SDK2: variants seen among roughly 807,000 people sequenced by gnomAD.
SDK2 encodes sidekick cell adhesion molecule 2.
A neutral mutation model predicts 253.9 loss-of-function variants in SDK2; 105 were observed. That is an observed-to-expected ratio of 0.41 (90% CI 0.35 to 0.49). The LOEUF is 0.49. SDK2 is among the 20% of genes least tolerant of loss of function. The pLI is 0.06. For synonymous variants in SDK2, 1,249 were observed against 1,234.9 expected (o/e 1.01, Z -0.24); for missense variants, 2,608 against 3,003.0 (o/e 0.87, Z 3.07).
At position 73,435,902 on chromosome 17, in the gene SDK2, AATTT is replaced by A. The variant is rs2063364599; in HGVS notation, c.1001-262_1001-259del. On this transcript the variant is annotated intron_variant, in intron 8 of 44. Transcript: ENST00000392650. This position sits in a 1 kb window ranked among gnomAD's most constrained non-coding sequence, Gnocchi z 5.7. ...GCATGGAAACTGGATTGGACAAACTAATTTATTTATTCTATTTTTTATTTCTATT... is the reference window on the plus strand; with the variant it reads ...GCATGGAAACTGGATTGGACAAACTAATTTATTCTATTTTTTATTTCTATT... Among the ~76,000 whole-genome samples the A allele has an allele frequency of 6.6e-6, 1 of 151,966 alleles. No individual in the cohort carries two copies. The highest frequency in any genetic ancestry group is 6.6e-5 in the Admixed American group (1 of 15,258).
At chr17:73,358,865 C>T (rs981844249) in intron 39 of SDK2, among the ~76,000 whole-genome samples, 9 of 152,100 alleles carry the variant, frequency 5.9e-5, no homozygotes, top group Non-Finnish European at 1.3e-4. Context: ...GGGCCCCATG[C>T]CGCGCTCCTG....
intron 13 of SDK2, 41 bp from the exon 14 acceptor site, chr17:73,423,563 G>T: frequency 2.7e-6 from 4 of 1,482,740 alleles, no homozygotes; most frequent in Non-Finnish European, 3.6e-6. Context: ...TATGTGGTCT[G>T]CAGGCAGGTG....
Position 73,541,520 on chromosome 17 carries a change from C to T in SDK2, c.65-33923G>A, listed in dbSNP as rs2044868793. Among the ~76,000 whole-genome samples, 1 of 152,024 alleles carries T rather than the reference C, an allele frequency of 6.6e-6. No homozygotes were observed. Among genetic ancestry groups the T allele is most frequent in the South Asian group, 2.1e-4 (1 of 4,802 alleles). On this transcript the variant is annotated intron_variant, in intron 1 of 44. Transcript: ENST00000392650. This position sits in a 1 kb window ranked among gnomAD's most constrained non-coding sequence, Gnocchi z 4.3. The stretch of plus-strand genomic sequence containing the variant: ...ACCACCCCCATTTCACAGACAAGGA[C>T]CCCGAGATAGGTAGAGGGGTGAGTG...
At chr17:73,365,684 C>T (rs969965096) in intron 37 of SDK2, among the ~76,000 whole-genome samples, 1 of 152,134 alleles carries the variant, frequency 6.6e-6, no homozygotes, top group Non-Finnish European at 1.5e-5. Context: ...GCTCTGAGCC[C>T]GGGCTATGAG....
intron 1 of SDK2, among the ~76,000 whole-genome samples, chr17:73,530,005 C>T (rs1361324359): frequency 1.3e-5 from 2 of 152,154 alleles, no homozygotes; most frequent in East Asian, 3.9e-4. Context: ...GTGAAATTCT[C>T]TATGGACATG....
chr17:73,629,140 G>A lies in SDK2; in HGVS notation c.64+14885C>T, dbSNP rs529583298. Among the ~76,000 whole-genome samples, 1 of 152,294 alleles carries A rather than the reference G, an allele frequency of 6.6e-6. No homozygotes were observed. The highest frequency in any genetic ancestry group is 2.4e-5 in the African/African-American group (1 of 41,562). On this transcript the variant is annotated intron_variant, in intron 1 of 44. Coordinates refer to ENST00000392650, the MANE Select transcript of SDK2 (RefSeq NM_001144952.2). The surrounding 1 kb of genome is among the most constrained non-coding windows in gnomAD (Gnocchi z 5.0). ...AGCTCGCACCTCACTTGCCTTTCTT[G>A]GCTGCACATCCTCCTCTATAAAGTG...
intron 1 of SDK2, among the ~76,000 whole-genome samples, chr17:73,566,567 T>C (rs2045315483): frequency 6.6e-6 from 1 of 152,056 alleles, no homozygotes; most frequent in Non-Finnish European, 1.5e-5. Flanking sequence ...AGTTAAATGG[T>C]TGTAACCAAA....
At chr17:73,490,994 C>T (rs1424092600) in intron 2 of SDK2, among the ~76,000 whole-genome samples, 1 of 152,192 alleles carries the variant, frequency 6.6e-6, no homozygotes, top group Non-Finnish European at 1.5e-5. Context: ...CAGTAGTTGG[C>T]AGAGCCCCAG....
At chr17:73,545,268 T>G (rs1395825838) in intron 1 of SDK2, among the ~76,000 whole-genome samples, 1 of 152,098 alleles carries the variant, frequency 6.6e-6, no homozygotes, top group Non-Finnish European at 1.5e-5. Context: ...AACCCCGCCC[T>G]GCTTCTTCCC....
chr17:73,407,579 T>C lies in SDK2; in HGVS notation c.2485-5438A>G, dbSNP rs1246873684. Among the ~76,000 whole-genome samples, 3 of 152,102 alleles carry C rather than the reference T, an allele frequency of 2.0e-5. No individual in the cohort carries two copies. In the East Asian group the frequency reaches 5.8e-4, roughly 29 times the overall value. ...CTGATAAGACAATAAGGAATCAATT[T>C]AGTCTTTATTTTTTCTGTTTTTTAG... On this transcript the variant is annotated intron_variant, in intron 18 of 44. Transcript: ENST00000392650.
At chr17:73,545,466 G>A (rs1370054673) in intron 1 of SDK2, among the ~76,000 whole-genome samples, 1 of 152,164 alleles carries the variant, frequency 6.6e-6, no homozygotes, top group Non-Finnish European at 1.5e-5. Context: ...TAGAGATGAG[G>A]GGGTTGAGGG....
intron 1 of SDK2, among the ~76,000 whole-genome samples, chr17:73,603,482 T>C (rs1002547258): frequency 3.7e-4 from 57 of 152,204 alleles, no homozygotes; most frequent in African/African-American, 1.2e-3. Context: ...GTAGCTAGCC[T>C]GGGTCCCAAG....
In SDK2 at chr17:73,431,686, G is replaced by A. The variant is rs770052929; in HGVS notation, c.1313-17C>T. 26 of 1,590,378 alleles carry A rather than the reference G, an allele frequency of 1.6e-5. No homozygotes were observed. The highest frequency in any genetic ancestry group is 6.7e-5 in the African/African-American group (5 of 74,338). The stretch of plus-strand genomic sequence containing the variant: ...TGCGCTCCCCTGAGGGCAAAACAGG[G>A]TGGGGGTCAGCCTGTAGCCCCCAAG... On this transcript the variant is annotated splice_polypyrimidine_tract_variant and intron_variant, in intron 10 of 44. Coordinates refer to ENST00000392650, the MANE Select transcript of SDK2 (RefSeq NM_001144952.2). This position sits in a 1 kb window ranked among gnomAD's most constrained non-coding sequence, Gnocchi z 5.6.
In SDK2 at chr17:73,388,805, T is replaced by A. The variant is rs1394501481; in HGVS notation, c.4193-768A>T. ...TTCCTTCCTTCCCTCCCTCCTTCCT[T>A]CCTTCCCTCCCTCTCCTTCCTTCCT... is the stretch of plus-strand genomic sequence containing the variant. On this transcript the variant is annotated intron_variant, in intron 29 of 44. Coordinates refer to ENST00000392650, the MANE Select transcript of SDK2 (RefSeq NM_001144952.2). Among the ~76,000 whole-genome samples, 161 of 103,894 alleles carry A rather than the reference T, an allele frequency of 1.5e-3. 3 individuals carry two copies. The highest frequency in any genetic ancestry group is 5.5e-3 in the African/African-American group (152 of 27,722). The allele number at this position is 103,894 out of a possible 152,430, so 68.2% of individuals were successfully genotyped here. A position where few individuals can be genotyped will look rare whatever the true frequency, so the allele number is the denominator to read the frequency against.
intron 3 of SDK2, among the ~76,000 whole-genome samples, chr17:73,456,351 G>T (rs1458683794): frequency 6.6e-6 from 1 of 152,140 alleles, no homozygotes; most frequent in African/African-American, 2.4e-5. Context: ...GCTCAAATGG[G>T]CTCCGAGAGG....
intron 1 of SDK2, among the ~76,000 whole-genome samples, chr17:73,571,946 C>T (rs951066142): frequency 2.6e-5 from 4 of 152,178 alleles, no homozygotes; most frequent in East Asian, 1.9e-4. Flanking sequence ...GAAGGAGGAG[C>T]GCCCGCGGGG....
intron 1 of SDK2, among the ~76,000 whole-genome samples, chr17:73,529,464 T>C (rs1385666901): frequency 6.6e-6 from 1 of 152,042 alleles, no homozygotes; most frequent in Non-Finnish European, 1.5e-5. Context: ...CATAGGCAAA[T>C]TAGGTCAGGG....
At chr17:73,419,350 C>T (rs374080038) in intron 15 of SDK2, 44 bp from the exon 16 acceptor site, 368 of 1,595,352 alleles carry the variant, frequency 2.3e-4, no homozygotes, top group Non-Finnish European at 3.0e-4. Context: ...GGGTCAAACA[C>T]AGGAGTTGAA....
Position 73,336,539 on chromosome 17 carries a change from G to C in SDK2, c.*2048C>G, listed in dbSNP as rs757772741. 6.5e-6 allele frequency: 1 copy of C among 152,702 alleles called. No homozygotes were observed. The highest frequency in any genetic ancestry group is 1.5e-5 in the Non-Finnish European group (1 of 68,078). 9.5% of individuals were successfully genotyped at this position (152,702 alleles called of 1,614,324 possible). A position where few individuals can be genotyped will look rare whatever the true frequency, so the allele number is the denominator to read the frequency against. On this transcript the variant is annotated 3_prime_UTR_variant, in exon 45 of 45. Coordinates refer to ENST00000392650, the MANE Select transcript of SDK2 (RefSeq NM_001144952.2). Reference sequence around the variant, plus strand: ...AGCATCTCCCCGTTCACATTTCCCAGGGGTCAAGTGCTTCAGGAAAAACTC... The same window carrying C: ...AGCATCTCCCCGTTCACATTTCCCACGGGTCAAGTGCTTCAGGAAAAACTC...
Sources: allele counts gnomAD v4.1 joint callset (sites outside exome capture counted in the v4.1 genomes callset), GRCh38; gene constraint gnomAD v4.1.1; non-coding constraint Gnocchi (gnomAD v3.1); transcripts MANE v1.5; gene names NCBI Gene and HGNC (gene_info 2026-07-23, HGNC 2026-07-21).